The following B3GALNT2 variants were observed in gnomAD, a reference collection of about 807,000 sequenced individuals.
B3GALNT2 encodes the protein UDP-GalNAc:beta-1,3-N-acetylgalactosaminyltransferase 2.
In B3GALNT2, 53 loss-of-function variants were observed where a neutral mutation model predicts 61.1. The ratio of observed to expected loss-of-function variants is 0.87; its 90% CI spans 0.70 to 1.09. The LOEUF (loss-of-function observed/expected upper bound fraction) is 1.09. Among genes scored for constraint, B3GALNT2 ranks in the 50% least tolerant of loss-of-function variants. B3GALNT2 has a pLI of 0.00. For missense variants in B3GALNT2, 544 were observed against 623.0 expected (o/e 0.87, Z 1.35); for synonymous variants, 223 against 237.4 (o/e 0.94, Z 0.56).
At chr1:235,468,895 T>TAAAA (rs1683853534) in intron 6 of B3GALNT2, among the ~76,000 whole-genome samples, 1 of 152,236 alleles carries the variant, frequency 6.6e-6, no homozygotes, top group Non-Finnish European at 1.5e-5. Flanking sequence ...AAATTTTTCA[T>TAAAA]AAGACTTAAA....
intron 11 of B3GALNT2, chr1:235,451,078 G>C (rs1037252538): frequency 6.6e-6 from 1 of 152,238 alleles, no homozygotes; most frequent in Non-Finnish European, 1.5e-5. Flanking sequence ...GTCAGCCTGT[G>C]CCTTGAAGGC....
At chr1:235,487,629 T>C (rs930218353) in intron 3 of B3GALNT2, among the ~76,000 whole-genome samples, 5 of 152,204 alleles carry the variant, frequency 3.3e-5, no homozygotes, top group African/African-American at 1.2e-4. Flanking sequence ...CCAGAAGTCC[T>C]AATCAGCATA....
intron 2 of B3GALNT2, among the ~76,000 whole-genome samples, chr1:235,494,133 T>G (rs892369760): frequency 1.3e-5 from 2 of 152,020 alleles, no homozygotes; most frequent in African/African-American, 2.4e-5. Flanking sequence ...CTGAAAAAAA[T>G]TAAATTTATC....
intron 1 of B3GALNT2, among the ~76,000 whole-genome samples, chr1:235,498,843 C>CAAAAAAAAAAAAAAAAAAAAAAAAA (rs57291873): frequency 3.1e-5 from 2 of 64,118 alleles, no homozygotes; most frequent in Admixed American, 2.7e-4. Flanking sequence ...GACTCCTTCT[C>CAAAAAAAAAAAAAAAAAAAAAAAAA]AAAAAAAAAA....
At chr1:235,477,688 C>T (rs1008659303) in intron 5 of B3GALNT2, among the ~76,000 whole-genome samples, 2 of 152,136 alleles carry the variant, frequency 1.3e-5, no homozygotes, top group African/African-American at 2.4e-5. Context: ...CCACTAGATG[C>T]CAGTATCACC....
At chr1:235,474,962 T>C (rs1558425111) in intron 5 of B3GALNT2, among the ~76,000 whole-genome samples, 1 of 24,264 alleles carries the variant, frequency 4.1e-5, no homozygotes, top group East Asian at 1.4e-3. Flanking sequence ...TATATATATA[T>C]ATATATATAT....
intron 3 of B3GALNT2, among the ~76,000 whole-genome samples, chr1:235,485,571 C>T (rs1002066289): frequency 6.6e-6 from 1 of 152,210 alleles, no homozygotes; most frequent in Admixed American, 6.5e-5. Context: ...GCTGGGATTA[C>T]AGGCATGAGC....
rs1189502274 is a variant in B3GALNT2, at chr1:235,465,858, A to G, written c.763-144T>C. On this transcript the variant is annotated intron_variant, in intron 6 of 11. Transcript: ENST00000366600. ...GATGCTGGTGCACTGGAGGCTTATA[A>G]TATCAGGATGACATACGGTATTCTA... 19 of 872,594 alleles carry G rather than the reference A, an allele frequency of 2.2e-5. 1 individual carries two copies. Among genetic ancestry groups the G allele is most frequent in the East Asian group, 2.1e-4 (8 of 38,112 alleles). 54.1% of individuals were successfully genotyped at this position (872,594 alleles called of 1,614,324 possible).
intron 1 of B3GALNT2, among the ~76,000 whole-genome samples, chr1:235,498,610 A>G (rs1685439786): frequency 6.6e-6 from 1 of 151,712 alleles, no homozygotes; most frequent in African/African-American, 2.4e-5. Context: ...TGGGAGGCCG[A>G]GGAGGGCAGA....
chr1:235,498,024 C>T (rs1159113461), intron 1 of B3GALNT2, among the ~76,000 whole-genome samples: 1 of 152,162 alleles, frequency 6.6e-6, no homozygotes, highest in Non-Finnish European at 1.5e-5. Context: ...GGGAAAGTAA[C>T]ACGGCATATC....
chr1:235,467,872 C>T (rs897296765), intron 6 of B3GALNT2, among the ~76,000 whole-genome samples: 11 of 151,830 alleles, frequency 7.2e-5, no homozygotes, highest in East Asian at 3.9e-4. Context: ...CTCTGCCTCC[C>T]GGGTTCAAGT....
rs1031758216 is a variant in B3GALNT2, at chr1:235,495,472, T to C, written c.113-644A>G. ...CCCTTATTTATATCAATGAATTCTA[T>C]AGCCAGTAAACCTTTCACTACCTAC... On this transcript the variant is annotated intron_variant, in intron 1 of 11. Coordinates refer to ENST00000366600, the MANE Select transcript of B3GALNT2 (RefSeq NM_152490.5). Among the ~76,000 whole-genome samples the C allele has an allele frequency of 2.0e-5, 3 of 151,984 alleles. No homozygotes were observed. The East Asian group carries it at 5.8e-4, about 29-fold the overall frequency.
At chr1:235,446,008 A>G (rs1337843841), downstream of B3GALNT2, among the ~76,000 whole-genome samples, 1 of 152,102 alleles carries the variant, frequency 6.6e-6, no homozygotes, top group Non-Finnish European at 1.5e-5. Context: ...AATAAAATAA[A>G]TTGAGTTCTT....
chr1:235,495,111 C>T (rs1473189675), intron 1 of B3GALNT2, among the ~76,000 whole-genome samples: 1 of 152,094 alleles, frequency 6.6e-6, no homozygotes, highest in East Asian at 1.9e-4. Flanking sequence ...GAATCTGTTT[C>T]AAAAGGCAAC....
At chr1:235,490,490 C>A (rs1685012613) in intron 2 of B3GALNT2, among the ~76,000 whole-genome samples, 1 of 152,068 alleles carries the variant, frequency 6.6e-6, no homozygotes, top group Non-Finnish European at 1.5e-5. Flanking sequence ...CTTGGCCTCC[C>A]AAAGTGCTGG....
intron 5 of B3GALNT2, chr1:235,479,689 TTAG>T: frequency 6.1e-6 from 1 of 164,876 alleles, no homozygotes; most frequent in African/African-American, 2.4e-5. Context: ...TTTTCATTCT[TTAG>T]ATAAGCAAAT....
chr1:235,489,759 A>G (rs368376942), intron 2 of B3GALNT2, among the ~76,000 whole-genome samples: 25 of 152,278 alleles, frequency 1.6e-4, no homozygotes, highest in South Asian at 6.2e-4. Flanking sequence ...CAAACATGAT[A>G]AAGTCCTGAC....
intron 1 of B3GALNT2, among the ~76,000 whole-genome samples, chr1:235,503,487 T>A (rs1685679446): frequency 1.3e-5 from 2 of 152,350 alleles, no homozygotes; most frequent in Admixed American, 1.3e-4. Context: ...GTTAAAGAAT[T>A]TGATATTTCC....
At chr1:235,465,185 A>C (rs1449708291) in intron 7 of B3GALNT2, 1 of 152,830 alleles carries the variant, frequency 6.5e-6, no homozygotes, top group Non-Finnish European at 1.5e-5. Context: ...CCATTAATGA[A>C]TGAATAAAAT....
Sources: gnomAD v4.1 joint callset for allele counts (sites outside exome capture counted in the v4.1 genomes callset) on GRCh38, gnomAD v4.1.1 for gene constraint, MANE v1.5 for transcripts, NCBI Gene and HGNC (gene_info 2026-07-23, HGNC 2026-07-21) for gene names.